KLHL7: variants seen among roughly 807,000 people sequenced by gnomAD.
KLHL7 encodes kelch like family member 7, also known as kelch-like protein 7.
A neutral mutation model predicts 67.4 loss-of-function variants in KLHL7; 44 were observed. The ratio of observed to expected loss-of-function variants is 0.65; its 90% CI spans 0.51 to 0.84. The LOEUF (loss-of-function observed/expected upper bound fraction) is 0.84, where lower values mean the gene tolerates loss of function less well. Ranked by LOEUF, KLHL7 falls within the 40% of genes least tolerant of loss-of-function variation. The pLI is 0.00. For synonymous variants in KLHL7, 252 were observed against 243.3 expected (o/e 1.04, Z -0.33); for missense variants, 362 against 718.1 (o/e 0.50, Z 5.67).
At position 23,174,268 on chromosome 7, in the gene KLHL7, T is replaced by C. The variant is rs941652547; in HGVS notation, c.1731T>C (p.Cys577=). The part of the protein sequence containing the change: ...TSCLICVVDT[C]GANEETLET ...GTTTAATTTGTGTTGTCGATACTTGTGGAGCAAATGAAGAGACCCTTGAAA... is the reference window on the plus strand; with the variant it reads ...GTTTAATTTGTGTTGTCGATACTTGCGGAGCAAATGAAGAGACCCTTGAAA... The change falls in exon 11 of 11, where the codon TGT becomes TGC. Residue 577 remains cysteine (C), a synonymous_variant. Coordinates refer to ENST00000339077, the MANE Select transcript of KLHL7 (RefSeq NM_001031710.3). 3.7e-5 allele frequency: 60 copies of C among 1,614,020 alleles called. No individual in the cohort carries two copies. The highest frequency in any genetic ancestry group is 5.0e-5 in the Admixed American group (3 of 60,000).
At chr7:23,133,262 C>A (rs1288671244) in intron 4 of KLHL7, among the ~76,000 whole-genome samples, 1 of 152,028 alleles carries the variant, frequency 6.6e-6, no homozygotes, top group Non-Finnish European at 1.5e-5. Flanking sequence ...ATTGATTCTT[C>A]CAATCCATAA....
chr7:23,136,079 G>C (rs1173412013), intron 4 of KLHL7, among the ~76,000 whole-genome samples: 1 of 152,192 alleles, frequency 6.6e-6, no homozygotes. Context: ...GAAGGCTAGA[G>C]ACCATAGGGC....
chr7:23,149,129 A>G (rs928661997), intron 6 of KLHL7, among the ~76,000 whole-genome samples: 1 of 152,226 alleles, frequency 6.6e-6, no homozygotes, highest in Non-Finnish European at 1.5e-5. Flanking sequence ...CAAAATACAA[A>G]TGAAGTGCAC....
At chr7:23,172,397 G>A (rs1785189601) in intron 9 of KLHL7, among the ~76,000 whole-genome samples, 2 of 152,068 alleles carry the variant, frequency 1.3e-5, no homozygotes, top group Non-Finnish European at 1.5e-5. Context: ...GTACTTTTTT[G>A]TTACCAGAGC....
At chr7:23,131,323 A>G (rs2128462094) in intron 4 of KLHL7, among the ~76,000 whole-genome samples, 1 of 152,352 alleles carries the variant, frequency 6.6e-6, no homozygotes, top group South Asian at 2.1e-4. Flanking sequence ...TTGAAATAAA[A>G]ATGCCAACAA....
chr7:23,174,136 G>A lies in KLHL7; in HGVS notation c.1599G>A (p.Leu533=), dbSNP rs753821326. 1.5e-5 allele frequency: 24 copies of A among 1,614,028 alleles called. No individual in the cohort carries two copies. The highest frequency in any genetic ancestry group is 1.9e-5 in the Non-Finnish European group (22 of 1,180,022). ...CAAVGSIVYV[L]AGFQGVGRLG... ...CAGTTGGCTCTATAGTTTATGTCTT[G>A]GCTGGTTTTCAGGGTGTTGGTCGAT... is the stretch of plus-strand genomic sequence containing the variant. The change falls in exon 11 of 11, where the codon TTG becomes TTA. Residue 533 remains leucine (L), a synonymous_variant. Coordinates refer to ENST00000339077, the MANE Select transcript of KLHL7 (RefSeq NM_001031710.3).
intron 4 of KLHL7, among the ~76,000 whole-genome samples, chr7:23,127,799 G>C (rs1265070841): frequency 6.6e-6 from 1 of 152,028 alleles, no homozygotes; most frequent in African/African-American, 2.4e-5. Context: ...GTTTGAACCG[G>C]GAGGCGGAGG....
chr7:23,153,165 A>G (rs749911005), intron 7 of KLHL7, among the ~76,000 whole-genome samples: 11 of 152,226 alleles, frequency 7.2e-5, no homozygotes, highest in Non-Finnish European at 1.3e-4. Context: ...ACTGCTTGGA[A>G]TTCTGTCAAG....
At chr7:23,151,446 A>T (rs1381780163) in intron 6 of KLHL7, among the ~76,000 whole-genome samples, 1 of 152,160 alleles carries the variant, frequency 6.6e-6, no homozygotes, top group Non-Finnish European at 1.5e-5. Flanking sequence ...GAGTCATCTA[A>T]GACAGTGCTT....
At chr7:23,111,820 C>CA (rs895981894) in intron 1 of KLHL7, among the ~76,000 whole-genome samples, 2,798 of 22,990 alleles carry the variant, frequency 0.12, 519 homozygotes, top group East Asian at 0.31. Context: ...GACTCCGTCT[C>CA]AAAAAAAAAA....
intron 9 of KLHL7, among the ~76,000 whole-genome samples, chr7:23,171,655 T>C (rs1314320770): frequency 1.3e-5 from 2 of 152,262 alleles, no homozygotes; most frequent in Non-Finnish European, 2.9e-5. Flanking sequence ...GAATTGTTAA[T>C]ACTTCAGAGT....
chr7:23,110,858 A>G (rs912251242), intron 1 of KLHL7, among the ~76,000 whole-genome samples: 5 of 146,914 alleles, frequency 3.4e-5, no homozygotes, highest in Non-Finnish European at 5.9e-5. Flanking sequence ...GAGTGAGAAC[A>G]TGCGGTTCAC....
At chr7:23,173,969 T>A in intron 10 of KLHL7, 46 bp from the exon 11 acceptor site, 1 of 1,568,362 alleles carries the variant, frequency 6.4e-7, no homozygotes, top group Non-Finnish European at 8.8e-7. Flanking sequence ...AACCTTAGAA[T>A]TGTTGATATA....
At chr7:23,164,657 C>T (rs750995614) in intron 7 of KLHL7, among the ~76,000 whole-genome samples, 2 of 152,132 alleles carry the variant, frequency 1.3e-5, no homozygotes, top group Admixed American at 6.6e-5. Context: ...ACCTAAAAAG[C>T]AAAATGTTCA....
In KLHL7 at chr7:23,156,037, G is replaced by A. The variant is rs1430057256; in HGVS notation, c.936+3828G>A. 9 of 466,354 alleles carry A rather than the reference G, an allele frequency of 1.9e-5. No homozygotes were observed. In the Middle Eastern group the frequency reaches 1.3e-3, roughly 69 times the overall value. The allele number at this position is 466,354 out of a possible 1,614,324, so 28.9% of individuals were successfully genotyped here. A position where few individuals can be genotyped will look rare whatever the true frequency, so the allele number is the denominator to read the frequency against. On this transcript the variant is annotated intron_variant, in intron 7 of 10. Transcript: ENST00000339077. ...TCTACACGAGCCTGGAAGTGAGACT[G>A]TAACTTCAGAATTCTCATTTGTTGT...
At chr7:23,117,473 TC>T (rs575991580) in intron 1 of KLHL7, among the ~76,000 whole-genome samples, 86 of 152,298 alleles carry the variant, frequency 5.6e-4, no homozygotes, top group African/African-American at 2.1e-3. Flanking sequence ...AGCTTTTTTT[TC>T]TTAGTCCCAG....
At chr7:23,132,247 T>G (rs1783828955) in intron 4 of KLHL7, among the ~76,000 whole-genome samples, 1 of 152,240 alleles carries the variant, frequency 6.6e-6, no homozygotes, top group Admixed American at 6.5e-5. Flanking sequence ...TCCATAGTGG[T>G]TGTACTAATT....
intron 4 of KLHL7, among the ~76,000 whole-genome samples, chr7:23,136,355 C>A (rs1004730457): frequency 2.3e-4 from 35 of 152,090 alleles, no homozygotes; most frequent in African/African-American, 8.5e-4. Flanking sequence ...AAGGATGTAC[C>A]GGTTAGGTTT....
chr7:23,162,562 G>C (rs968023999), intron 7 of KLHL7, among the ~76,000 whole-genome samples: 4 of 152,168 alleles, frequency 2.6e-5, no homozygotes, highest in African/African-American at 9.7e-5. Context: ...GAGATCCATA[G>C]CTCCTCCATA....
Sources: gnomAD v4.1 joint callset for allele counts (sites outside exome capture counted in the v4.1 genomes callset) on GRCh38, gnomAD v4.1.1 for gene constraint, MANE v1.5 for transcripts, NCBI Gene and HGNC (gene_info 2026-07-23, HGNC 2026-07-21) for gene names.